Variants in SYNE2 observed in about 807,000 individuals in gnomAD.
The protein encoded by SYNE2 is spectrin repeat containing nuclear envelope protein 2, also known as nesprin-2.
In SYNE2, 431 loss-of-function variants were observed where a neutral mutation model predicts 856.3. The ratio of observed to expected loss-of-function variants is 0.50; its 90% CI spans 0.47 to 0.55. The LOEUF is 0.55. SYNE2 is among the 20% of genes least tolerant of loss of function. The pLI is 0.00. For missense variants in SYNE2, 8,129 were observed against 8,023.2 expected (o/e 1.01, Z -0.50); for synonymous variants, 2,923 against 2,872.3 (o/e 1.02, Z -0.56).
intron 65 of SYNE2, among the ~76,000 whole-genome samples, chr14:64,109,378 TAAC>T (rs2097790995): frequency 6.6e-6 from 1 of 152,028 alleles, no homozygotes; most frequent in South Asian, 2.1e-4. Context: ...TTTTAATCAT[TAAC>T]AACAGCTCTA....
chr14:64,224,886 C>A, intron 114 of SYNE2, 113 bp from the exon 115 acceptor site: 1 of 1,004,622 alleles, frequency 1.0e-6, no homozygotes, highest in Non-Finnish European at 1.5e-6. Flanking sequence ...CAAAGTTTGG[C>A]TGTAACACAA....
intron 45 of SYNE2, among the ~76,000 whole-genome samples, chr14:64,039,126 T>G (rs2097127613): frequency 6.6e-6 from 1 of 152,242 alleles, no homozygotes; most frequent in African/African-American, 2.4e-5. Flanking sequence ...ATGGTGATGA[T>G]GTATGCTTAT....
chr14:64,141,324 T>A lies in SYNE2; in HGVS notation c.14977-17T>A. 1 of 1,606,446 alleles carries A rather than the reference T, an allele frequency of 6.2e-7. No homozygotes were observed. The highest frequency in any genetic ancestry group is 8.5e-7 in the Non-Finnish European group (1 of 1,176,070). ...TATTTAAATTTTAAGTTTCTAAATT[T>A]TAAAACTCTCCTTTAGGAGTTTTCA... On this transcript the variant is annotated splice_polypyrimidine_tract_variant and intron_variant, in intron 80 of 115. Coordinates refer to ENST00000555002, the MANE Select transcript of SYNE2 (RefSeq NM_182914.3).
Position 64,090,772 on chromosome 14 carries a change from T to G in SYNE2, c.11794-94T>G, listed in dbSNP as rs188247798. Reference sequence around the variant, plus strand: ...GAAATTATTTTAAAAATGCAAACTATAAAAACTATACTGTATTTTAATTTT... The same window carrying G: ...GAAATTATTTTAAAAATGCAAACTAGAAAAACTATACTGTATTTTAATTTT... On this transcript the variant is annotated intron_variant, in intron 59 of 115. Coordinates refer to ENST00000555002, the MANE Select transcript of SYNE2 (RefSeq NM_182914.3). The G allele has an allele frequency of 8.7e-6, 10 of 1,155,654 alleles. No homozygotes were observed. The East Asian group carries it at 2.6e-4, about 30-fold the overall frequency. 71.6% of individuals were successfully genotyped at this position (1,155,654 alleles called of 1,614,324 possible). A position where few individuals can be genotyped will look rare whatever the true frequency, so the allele number is the denominator to read the frequency against.
Position 64,162,097 on chromosome 14 carries a change from G to A in SYNE2, c.16120G>A (p.Ala5374Thr). ...KRWTQVNQAI[A>T]DQLQKAQSLL... The stretch of plus-strand genomic sequence containing the variant: ...GTGGACTCAGGTGAACCAAGCCATT[G>A]CAGACCAGTTGCAGAAGGCCCAGAG... Residue 5374 changes from alanine (A) to threonine (T), a missense_variant, in exon 88 of 116, where the codon GCA becomes ACA. Physicochemically the swap from Ala to Thr is moderately conservative, Grantham distance 58 (BLOSUM62 0). Around this residue, in one of 3 missense-constraint regions of SYNE2, gnomAD observed 5,410 missense variants for 5,284.8 expected, o/e 1.02. Transcript: ENST00000555002. 6.2e-7 allele frequency: 1 copy of A among 1,614,218 alleles called. No individual in the cohort carries two copies. Among genetic ancestry groups the A allele is most frequent in the Non-Finnish European group, 8.5e-7 (1 of 1,180,036 alleles).
At chr14:63,916,607 T>A (rs2095536259) in intron 2 of SYNE2, among the ~76,000 whole-genome samples, 1 of 152,228 alleles carries the variant, frequency 6.6e-6, no homozygotes, top group South Asian at 2.1e-4. Flanking sequence ...TTTTGAATGT[T>A]CATGAAAATT....
rs370429865 is a variant in SYNE2, at chr14:64,170,192, G to C, written c.17001-36G>C. On this transcript the variant is annotated intron_variant, in intron 93 of 115. Coordinates refer to ENST00000555002, the MANE Select transcript of SYNE2 (RefSeq NM_182914.3). ...CTGATAGTTATTTTTTCTACATGTC[G>C]ATGTCTGGATTCTATAACCATTTGT... 6.9e-6 allele frequency: 11 copies of C among 1,593,032 alleles called. No individual in the cohort carries two copies. In the African/African-American group the frequency reaches 1.5e-4, roughly 21 times the overall value.
chr14:64,099,337 G>T, intron 63 of SYNE2: 1 of 184,928 alleles, frequency 5.4e-6, no homozygotes, highest in South Asian at 1.1e-4. Flanking sequence ...AAGTTGCAAT[G>T]GGTCTTAAGA....
chr14:64,223,286 T>C lies in SYNE2; in HGVS notation c.20288T>C (p.Ile6763Thr), dbSNP rs758317659. ...ATTAAGGGACATGGAGAAGACTGTATTGAAGCTGAAGAAAAGGTGCATGTT... is the reference window on the plus strand; with the variant it reads ...ATTAAGGGACATGGAGAAGACTGTACTGAAGCTGAAGAAAAGGTGCATGTT... ...LLIKGHGEDC[I>T]EAEEKVHVIE... is the part of the protein sequence containing the mutation. Residue 6763 changes from isoleucine to threonine, a missense_variant, in exon 113 of 116, where the codon ATT (isoleucine) becomes ACT (threonine). Ile to Thr is a moderately conservative substitution (Grantham distance 89, BLOSUM62 -1). Transcript: ENST00000555002. The C allele has an allele frequency of 9.9e-6, 16 of 1,614,098 alleles. No homozygotes were observed. The highest frequency in any genetic ancestry group is 2.7e-5 in the African/African-American group (2 of 74,930).
Position 64,052,540 on chromosome 14 carries a change from C to A in SYNE2, c.8627C>A (p.Thr2876Asn). 2.5e-6 allele frequency: 4 copies of A among 1,614,146 alleles called. No homozygotes were observed. The highest frequency in any genetic ancestry group is 3.4e-6 in the Non-Finnish European group (4 of 1,180,046). ...GCTGAACTAAAACATCACCATGTTA[C>A]TTTGGAGGCATCTCAGAAGGAATTG... ...TEAELKHHHV[T>N]LEASQKELQE... The change falls in exon 48 of 116, where the codon ACT (threonine) becomes AAT (asparagine). Residue 2876 changes from threonine to asparagine, a missense_variant. Physicochemically the swap from Thr to Asn is moderately conservative, Grantham distance 65. Coordinates refer to ENST00000555002, the MANE Select transcript of SYNE2 (RefSeq NM_182914.3).
intron 9 of SYNE2, among the ~76,000 whole-genome samples, chr14:63,962,078 A>G (rs937075795): frequency 1.3e-5 from 2 of 150,738 alleles, no homozygotes; most frequent in East Asian, 1.9e-4. Flanking sequence ...TATTTTTGAG[A>G]TGGAGTCTTG....
At chr14:64,117,060 G>A (rs974568367) in intron 66 of SYNE2, among the ~76,000 whole-genome samples, 2 of 152,138 alleles carry the variant, frequency 1.3e-5, no homozygotes, top group Non-Finnish European at 2.9e-5. Flanking sequence ...TGGGGGTTGT[G>A]TTACAAGACC....
chr14:63,905,359 T>C (rs1396641706), intron 1 of SYNE2, among the ~76,000 whole-genome samples: 2 of 152,160 alleles, frequency 1.3e-5, no homozygotes, highest in Non-Finnish European at 2.9e-5. Context: ...GTTCATAGTT[T>C]GATAGCAATG....
At chr14:63,778,525 T>C (rs1887191469) in intron 1 of SYNE2, among the ~76,000 whole-genome samples, 2 of 152,080 alleles carry the variant, frequency 1.3e-5, no homozygotes, top group African/African-American at 4.8e-5. Flanking sequence ...ATTCTTAAAA[T>C]TTTTCCTGAG....
At chr14:64,224,966 C>T (rs1298673519) in intron 114 of SYNE2, 33 bp from the exon 115 acceptor site, 12 of 1,604,638 alleles carry the variant, frequency 7.5e-6, no homozygotes, top group Middle Eastern at 1.7e-4. Context: ...AAACTGTCTT[C>T]AACTTACTAA....
intron 54 of SYNE2, among the ~76,000 whole-genome samples, chr14:64,077,425 G>A (rs764164480): frequency 9.2e-5 from 14 of 152,148 alleles, no homozygotes; most frequent in Middle Eastern, 3.4e-3. Flanking sequence ...AGTATGGTCT[G>A]GGGAATAAAG....
intron 1 of SYNE2, among the ~76,000 whole-genome samples, chr14:63,797,726 G>A (rs967770122): frequency 6.6e-6 from 1 of 152,224 alleles, no homozygotes; most frequent in African/African-American, 2.4e-5. Flanking sequence ...ACAGGTGTGA[G>A]CCACCACGCC....
At chr14:63,818,119 G>A (rs1051779663) in intron 1 of SYNE2, among the ~76,000 whole-genome samples, 1 of 151,788 alleles carries the variant, frequency 6.6e-6, no homozygotes, top group Non-Finnish European at 1.5e-5. Context: ...GCCGAGGTGG[G>A]CACATCACAA....
In SYNE2 at chr14:64,070,757, G is replaced by A; in HGVS notation, c.10544G>A (p.Cys3515Tyr). ...EELSELLDCL[C>Y]QYGENVEKQQ... ...CTCTCTGAGCTGCTAGACTGTTTATGCCAATATGGAGAGAACGTGGAGAAG... is the reference window on the plus strand; with the variant it reads ...CTCTCTGAGCTGCTAGACTGTTTATACCAATATGGAGAGAACGTGGAGAAG... Residue 3515 changes from cysteine (C) to tyrosine (Y), a missense_variant, in exon 52 of 116, where the codon TGC (cysteine) becomes TAC (tyrosine). Transcript: ENST00000555002. 2 of 1,614,178 alleles carry A rather than the reference G, an allele frequency of 1.2e-6. No homozygotes were observed. Among genetic ancestry groups the A allele is most frequent in the Non-Finnish European group, 1.7e-6 (2 of 1,180,030 alleles).
Sources: allele counts gnomAD v4.1 joint callset (sites outside exome capture counted in the v4.1 genomes callset), GRCh38; gene constraint gnomAD v4.1.1; regional missense constraint gnomAD v4.1.1; transcripts MANE v1.5; gene names NCBI Gene and HGNC (gene_info 2026-07-23, HGNC 2026-07-21).